ABCA7: variants seen among roughly 807,000 people sequenced by gnomAD.
The protein encoded by ABCA7 is ATP binding cassette subfamily A member 7.
A neutral mutation model predicts 227.6 loss-of-function variants in ABCA7; 261 were observed. The observed-to-expected ratio is 1.15, with a 90% CI of 1.04 to 1.27. The LOEUF (loss-of-function observed/expected upper bound fraction) is 1.27. Ranked by LOEUF, ABCA7 falls within the 50% of genes most tolerant of loss-of-function variation. The pLI is 0.00. For synonymous variants in ABCA7, 1,488 were observed against 1,279.7 expected, an observed-to-expected ratio of 1.16 and a Z score of -3.47; for missense variants, 3,331 against 2,924.5, an observed-to-expected ratio of 1.14 and a Z score of -3.21.
Position 1,050,919 on chromosome 19 carries a change from A to T in ABCA7, c.2553-2A>T. On this transcript the variant is annotated splice_acceptor_variant, in intron 18 of 46. Transcript: ENST00000263094. LOFTEE classifies it high-confidence loss of function. ...GCTACTCTGAGACCCCTCTATCCAC[A>T]GGTCCATCTTGAGTGGCCTCTTCCC... 1 of 1,598,036 alleles carries T rather than the reference A, an allele frequency of 6.3e-7. No individual in the cohort carries two copies. The highest frequency in any genetic ancestry group is 8.5e-7 in the Non-Finnish European group (1 of 1,170,238).
chr19:1,051,916 G>C, intron 21 of ABCA7, 26 bp from the exon 22 acceptor site: 2 of 1,605,512 alleles, frequency 1.2e-6, no homozygotes, highest in South Asian at 2.2e-5. Flanking sequence ...CCTGATGGTA[G>C]TTGTGGGTTG....
Position 1,047,616 on chromosome 19 carries a change from A to G in ABCA7, c.2231A>G (p.Tyr744Cys), listed in dbSNP as rs772783069. 3 of 1,600,892 alleles carry G rather than the reference A, an allele frequency of 1.9e-6. No individual in the cohort carries two copies. Among genetic ancestry groups the G allele is most frequent in the Admixed American group, 1.7e-5 (1 of 59,872 alleles). The change falls in exon 16 of 47, where the codon TAC (tyrosine) becomes TGC (cysteine). Residue 744 changes from tyrosine (Y) to cysteine (C), a missense_variant. Transcript: ENST00000263094. ...SGLLLLDAALYGLATWYLEAV... is the reference protein window; with the variant it reads ...SGLLLLDAALCGLATWYLEAV... ...CTTCTGCTGCTGGACGCGGCGCTCT[A>G]CGGCCTCGCCACCTGGTACCTGGAA...
chr19:1,051,579 C>A lies in ABCA7; in HGVS notation c.2955C>A (p.Tyr985Ter), dbSNP rs2041635496. 1 of 1,611,642 alleles carries A rather than the reference C, an allele frequency of 6.2e-7. No homozygotes were observed. The highest frequency in any genetic ancestry group is 1.7e-5 in the Admixed American group (1 of 59,932). ...RRGIWELLLK[Y>*]REGRTLILST... ...GTATTTGGGAGCTGCTGCTCAAATACCGAGAAGGTAAGAGCTGGGGATTCT... is the reference window on the plus strand; with the variant it reads ...GTATTTGGGAGCTGCTGCTCAAATAACGAGAAGGTAAGAGCTGGGGATTCT... Residue 985 changes from tyrosine to a stop codon, truncating the protein, a stop_gained, in exon 21 of 47, where the codon TAC (tyrosine) becomes TAA (stop). Coordinates refer to ENST00000263094, the MANE Select transcript of ABCA7 (RefSeq NM_019112.4). LOFTEE classifies it high-confidence loss of function.
Position 1,055,281 on chromosome 19 carries a change from G to C in ABCA7, c.4135G>C (p.Val1379Leu). The C allele has an allele frequency of 6.2e-7, 1 of 1,604,740 alleles. No individual in the cohort carries two copies. ...GGCAGTGACCGGCTCTGGGGAAGTGGTTCAGAACCTGACAGGCCGGAACCT... is the reference window on the plus strand; with the variant it reads ...GGCAGTGACCGGCTCTGGGGAAGTGCTTCAGAACCTGACAGGCCGGAACCT... ...PQAVTGSGEVVQNLTGRNLSD... is the reference protein window; with the variant it reads ...PQAVTGSGEVLQNLTGRNLSD... The change falls in exon 30 of 47, where the codon GTT becomes CTT. Residue 1379 changes from valine to leucine, a missense_variant. Val to Leu is a conservative substitution (Grantham distance 32). Transcript: ENST00000263094.
rs773130569 is a variant in ABCA7 at position 1,056,015 on chromosome 19, C to A, written c.4239-51C>A. The A allele has an allele frequency of 3.3e-6, 5 of 1,512,476 alleles. No homozygotes were observed. The highest frequency in any genetic ancestry group is 4.4e-6 in the Non-Finnish European group (5 of 1,136,426). The allele number at this position is 1,512,476 out of a possible 1,614,324, so 93.7% of individuals were successfully genotyped here. ...CCTCTGCCTGCCCCCTGGGAGCTCT[C>A]CCGGCCCCCCCGGCCCTCAGCTCCC... is the stretch of plus-strand genomic sequence containing the variant. On this transcript the variant is annotated intron_variant, in intron 31 of 46. Coordinates refer to ENST00000263094, the MANE Select transcript of ABCA7 (RefSeq NM_019112.4). The surrounding 1 kb of genome is among the most constrained non-coding windows in gnomAD (Gnocchi z 4.3).
At chr19:1,042,425 A>C (rs1451745220) in intron 6 of ABCA7, 28 bp downstream of exon 6, 1 of 1,609,820 alleles carries the variant, frequency 6.2e-7, no homozygotes, top group Non-Finnish European at 8.5e-7. Flanking sequence ...GACCGCGCTG[A>C]CTTCCTGGGA....
intron 10 of ABCA7, among the ~76,000 whole-genome samples, chr19:1,044,253 T>TTC (rs1218864105): frequency 7.0e-6 from 1 of 142,298 alleles, no homozygotes; most frequent in Non-Finnish European, 1.5e-5. Flanking sequence ...TTTTTTTTTT[T>TTC]TTTTTTTTTT....
In ABCA7 at chr19:1,047,668, G is replaced by A. The variant is rs1273092229; in HGVS notation, c.2269+14G>A. 6.3e-7 allele frequency: 1 copy of A among 1,580,910 alleles called. No individual in the cohort carries two copies. The highest frequency in any genetic ancestry group is 2.3e-5 in the East Asian group (1 of 44,030). The stretch of plus-strand genomic sequence containing the variant: ...CTGTGTGCCCAGGTGGGCCGTAGGG[G>A]GCGGGGCTCCGGGCCGGGTCGCACC... On this transcript the variant is annotated intron_variant, in intron 16 of 46. Transcript: ENST00000263094.
At chr19:1,047,080 CAG>C (rs1415332491) in intron 14 of ABCA7, 56 bp downstream of exon 14, 1 of 1,551,466 alleles carries the variant, frequency 6.4e-7, no homozygotes, top group Non-Finnish European at 8.7e-7. Context: ...GGGTGACAGA[CAG>C]GGGCGGCCCC....
intron 45 of ABCA7, 34 bp from the exon 46 acceptor site, chr19:1,064,897 C>A: frequency 6.5e-7 from 1 of 1,546,438 alleles, no homozygotes. Flanking sequence ...CTGGGAAAGG[C>A]CCGATCCGGT....
At chr19:1,042,612 G>A (rs764543340) in intron 6 of ABCA7, 134 bp from the exon 7 acceptor site, 119 of 1,062,848 alleles carry the variant, frequency 1.1e-4, no homozygotes, top group Non-Finnish European at 1.6e-4. Flanking sequence ...GAGTCCCTTT[G>A]CCTCTCAGAG....
chr19:1,047,390 G>A lies in ABCA7; in HGVS notation c.2067+12G>A, dbSNP rs1274542737. 6.4e-7 allele frequency: 1 copy of A among 1,560,240 alleles called. No homozygotes were observed. Among genetic ancestry groups the A allele is most frequent in the Non-Finnish European group, 8.6e-7 (1 of 1,158,956 alleles). On this transcript the variant is annotated intron_variant, in intron 15 of 46. Coordinates refer to ENST00000263094, the MANE Select transcript of ABCA7 (RefSeq NM_019112.4). ...GCCGCGTGGCCGCGGTGAGAGCCGG[G>A]TCGGGCGTGGATGGGGGACGCCCCC...
intron 42 of ABCA7, 82 bp from the exon 43 acceptor site, chr19:1,063,462 C>T: frequency 1.9e-6 from 3 of 1,539,724 alleles, no homozygotes; most frequent in East Asian, 4.5e-5. Context: ...GCTCCACACT[C>T]AATGCTGGCC....
At chr19:1,050,827 A>T (rs2041540711) in intron 18 of ABCA7, 94 bp from the exon 19 acceptor site, 1 of 837,252 alleles carries the variant, frequency 1.2e-6, no homozygotes, top group African/African-American at 2.0e-5. Context: ...ATAAATAATT[A>T]AAAATTTTTT....
chr19:1,041,088 G>C (rs1444245013), intron 1 of ABCA7, 137 bp from the exon 2 acceptor site: 2 of 565,768 alleles, frequency 3.5e-6, no homozygotes, highest in East Asian at 6.0e-5. Flanking sequence ...CCAGCTGTCA[G>C]CCCTGCTCAG....
chr19:1,050,309 G>C (rs968849613), intron 18 of ABCA7, among the ~76,000 whole-genome samples: 7 of 152,114 alleles, frequency 4.6e-5, no homozygotes, highest in South Asian at 2.1e-4. Context: ...CTACTCAGGA[G>C]GCTGAGGCAG....
At chr19:1,046,046 G>C (rs2040614143) in intron 12 of ABCA7, among the ~76,000 whole-genome samples, 184 bp from the exon 13 acceptor site, 1 of 152,200 alleles carries the variant, frequency 6.6e-6, no homozygotes, top group Non-Finnish European at 1.5e-5. Flanking sequence ...CAGGCGACTT[G>C]GGAGGCCGAG....
At chr19:1,051,687 G>A (rs946545450) in intron 21 of ABCA7, 101 bp downstream of exon 21, 20 of 1,230,630 alleles carry the variant, frequency 1.6e-5, no homozygotes, top group Middle Eastern at 2.4e-4. Context: ...GCTACATGTG[G>A]ACCCCACTTG....
rs201941781 is a variant in ABCA7 at position 1,056,390 on chromosome 19, G to A, written c.4477G>A (p.Ala1493Thr). 61 of 1,613,278 alleles carry A rather than the reference G, an allele frequency of 3.8e-5. No individual in the cohort carries two copies. In the African/African-American group the frequency reaches 6.1e-4, roughly 16 times the overall value. The change falls in exon 33 of 47, where the codon GCA becomes ACA. Residue 1493 changes from alanine to threonine, a missense_variant. Physicochemically the swap from Ala to Thr is moderately conservative, Grantham distance 58. Coordinates refer to ENST00000263094, the MANE Select transcript of ABCA7 (RefSeq NM_019112.4). This position sits in a 1 kb window ranked among gnomAD's most constrained non-coding sequence, Gnocchi z 4.3. ...GGCCTTTGTCAACCGAGCCAGCAAC[G>A]CAATCCTCCGTGCTCACCTGCCCCC... ...MVAFVNRASN[A>T]ILRAHLPPGP... is the part of the protein sequence containing the mutation.
Sources: allele counts gnomAD v4.1 joint callset (sites outside exome capture counted in the v4.1 genomes callset), GRCh38; gene constraint gnomAD v4.1.1; non-coding constraint Gnocchi (gnomAD v3.1); transcripts MANE v1.5; gene names NCBI Gene and HGNC (gene_info 2026-07-23, HGNC 2026-07-21).